The following MAF variants were observed in gnomAD, a reference collection of about 807,000 sequenced individuals.
MAF encodes MAF bZIP transcription factor.
Under a neutral mutation model 22.0 loss-of-function variants are expected in MAF, and 10 were observed. The ratio of observed to expected loss-of-function variants is 0.45; its 90% CI spans 0.28 to 0.77. MAF has a LOEUF of 0.77. Ranked by LOEUF, MAF falls within the 30% of genes least tolerant of loss-of-function variation. The pLI, the probability that MAF is intolerant of heterozygous loss-of-function variation, is 0.12. For synonymous variants in MAF, 337 were observed against 255.8 expected, an observed-to-expected ratio of 1.32 and a Z score of -3.03; for missense variants, 544 against 548.4, an observed-to-expected ratio of 0.99 and a Z score of 0.08.
chr16:79,215,833 A>T, the MAF span, among the ~76,000 whole-genome samples: 1 of 152,182 alleles, frequency 6.6e-6, no homozygotes, highest in Admixed American at 6.5e-5. Flanking sequence ...CTCACAAAGC[A>T]CAACGTCCTA....
At chr16:79,306,587 T>C in the MAF span, among the ~76,000 whole-genome samples, 1 of 152,084 alleles carries the variant, frequency 6.6e-6, no homozygotes, top group Non-Finnish European at 1.5e-5. Context: ...GGAAAGTAAA[T>C]CTATCTCCAG....
chr16:79,477,288 G>A, the MAF span, among the ~76,000 whole-genome samples: 1 of 152,220 alleles, frequency 6.6e-6, no homozygotes, highest in Non-Finnish European at 1.5e-5. Flanking sequence ...AGAGAAGCAG[G>A]ACCCTGGAGC....
At position 79,586,573 on chromosome 16, in the gene MAF, G is replaced by A. The variant is rs577188862; in HGVS notation, c.1119-632C>T. On this transcript the variant is annotated intron_variant, in intron 1 of 1. Coordinates refer to the MAF transcript ENST00000569649. The stretch of plus-strand genomic sequence containing the variant: ...GTGCTTAGAACGGTGATATGAAAAT[G>A]AGGTTGCTTTAAAGAAAATCTTTTT... Among the ~76,000 whole-genome samples, 143 of 152,354 alleles carry A rather than the reference G, an allele frequency of 9.4e-4. 1 individual carries two copies. Among genetic ancestry groups the A allele is most frequent in the Non-Finnish European group, 1.8e-3 (124 of 68,036 alleles).
At chr16:79,401,972 A>G in the MAF span, among the ~76,000 whole-genome samples, 3 of 152,134 alleles carry the variant, frequency 2.0e-5, no homozygotes, top group Admixed American at 2.0e-4. Context: ...CATTACCCCC[A>G]TTTTATAGAT....
chr16:79,296,173 CTAAA>C, the MAF span, among the ~76,000 whole-genome samples: 6 of 152,122 alleles, frequency 3.9e-5, no homozygotes, highest in African/African-American at 1.4e-4. Context: ...CACTGTGGGA[CTAAA>C]TAAGTTATTA....
the MAF span, among the ~76,000 whole-genome samples, chr16:79,579,298 T>C: frequency 6.6e-6 from 1 of 152,226 alleles, no homozygotes; most frequent in Non-Finnish European, 1.5e-5. Flanking sequence ...ATCCTTGTAC[T>C]TGGATGTTAG....
the MAF span, among the ~76,000 whole-genome samples, chr16:79,425,813 T>C: frequency 6.6e-6 from 1 of 152,214 alleles, no homozygotes; most frequent in Admixed American, 6.5e-5. Flanking sequence ...GAAGGAACAT[T>C]GCACACAGAC....
At chr16:79,279,116 A>G in the MAF span, among the ~76,000 whole-genome samples, 1 of 152,158 alleles carries the variant, frequency 6.6e-6, no homozygotes, top group Non-Finnish European at 1.5e-5. Flanking sequence ...TCAACATTTT[A>G]TAGACAGGAA....
At chr16:79,571,898 G>T in the MAF span, among the ~76,000 whole-genome samples, 1 of 152,098 alleles carries the variant, frequency 6.6e-6, no homozygotes, top group African/African-American at 2.4e-5. Context: ...GTGCAACAAG[G>T]TCAAAGAATT....
the MAF span, among the ~76,000 whole-genome samples, chr16:79,520,800 T>G: frequency 2.0e-5 from 3 of 152,140 alleles, no homozygotes; most frequent in African/African-American, 4.8e-5. Context: ...ACCCAACTGC[T>G]GGGAAGGTTG....
the MAF span, among the ~76,000 whole-genome samples, chr16:79,507,400 G>A: frequency 6.6e-6 from 1 of 151,480 alleles, no homozygotes; most frequent in East Asian, 2.0e-4. Flanking sequence ...ACAGGCGTGA[G>A]CCACCAAGCC....
At chr16:79,368,708 A>G in the MAF span, among the ~76,000 whole-genome samples, 1 of 152,078 alleles carries the variant, frequency 6.6e-6, no homozygotes, top group Non-Finnish European at 1.5e-5. Context: ...GCTAGTGTAT[A>G]TTTCTGGAAT....
chr16:79,318,101 T>C, the MAF span, among the ~76,000 whole-genome samples: 2 of 152,208 alleles, frequency 1.3e-5, no homozygotes, highest in East Asian at 3.8e-4. Context: ...CTTGAGCACT[T>C]ATAATATGTG....
the MAF span, among the ~76,000 whole-genome samples, chr16:79,413,209 A>G: frequency 1.1e-5 from 1 of 93,790 alleles, no homozygotes; most frequent in African/African-American, 4.0e-5. Flanking sequence ...TGAGCTGTGC[A>G]GTTTTTTTTT....
the MAF span, among the ~76,000 whole-genome samples, chr16:79,226,388 T>G: frequency 6.1e-3 from 918 of 150,544 alleles, 4 homozygotes; most frequent in Admixed American, 8.8e-3. Flanking sequence ...GGGGGTGGGG[T>G]GTTAGGGGAG....
chr16:79,330,060 T>C, the MAF span, among the ~76,000 whole-genome samples: 1 of 152,208 alleles, frequency 6.6e-6, no homozygotes, highest in Admixed American at 6.5e-5. Flanking sequence ...GCACCATTTT[T>C]TACTAATCAA....
At chr16:79,257,862 T>C in the MAF span, among the ~76,000 whole-genome samples, 1 of 152,214 alleles carries the variant, frequency 6.6e-6, no homozygotes. Flanking sequence ...ATGCTATTTT[T>C]GAAAGGCATA....
At chr16:79,421,858 GC>G in the MAF span, among the ~76,000 whole-genome samples, 1 of 152,028 alleles carries the variant, frequency 6.6e-6, no homozygotes. Context: ...GCTCACTGCA[GC>G]CCCCGCCTCC....
chr16:79,547,017 G>T, the MAF span, among the ~76,000 whole-genome samples: 1 of 152,156 alleles, frequency 6.6e-6, no homozygotes, highest in African/African-American at 2.4e-5. Flanking sequence ...CTCTGTGTTG[G>T]TAAGTGCCAG....
Sources: gnomAD v4.1 joint callset for allele counts (sites outside exome capture counted in the v4.1 genomes callset) on GRCh38, gnomAD v4.1.1 for gene constraint, MANE v1.5 for transcripts, NCBI Gene and HGNC (gene_info 2026-07-23, HGNC 2026-07-21) for gene names.